Variants in ALK observed in about 807,000 individuals in gnomAD.
The protein encoded by ALK is ALK tyrosine kinase receptor.
In ALK, 74 loss-of-function variants were observed where a neutral mutation model predicts 163.1. The observed-to-expected ratio is 0.45, with a 90% confidence interval of 0.38 to 0.55. ALK has a LOEUF of 0.55. ALK is among the 20% of genes least tolerant of loss of function. The pLI is 0.00. For synonymous variants in ALK, 960 were observed against 843.2 expected (o/e 1.14, Z -2.40); for missense variants, 2,063 against 2,105.3 (o/e 0.98, Z 0.39).
At chr2:29,509,119 G>C (rs1016954245) in intron 4 of ALK, among the ~76,000 whole-genome samples, 1 of 152,154 alleles carries the variant, frequency 6.6e-6, no homozygotes, top group African/African-American at 2.4e-5. Context: ...AGGCTTTTCT[G>C]TCATGGAAAC....
chr2:29,607,780 G>T (rs1216440918), intron 3 of ALK, among the ~76,000 whole-genome samples: 8 of 151,994 alleles, frequency 5.3e-5, no homozygotes, highest in Non-Finnish European at 1.2e-4. Flanking sequence ...TTCTTGGAAT[G>T]ATTTTTTTCT....
rs11903132 is a variant in ALK at position 29,496,995 on chromosome 2, G to C, written c.1154+34920C>G. 3.9e-5 allele frequency among the ~76,000 whole-genome samples: 6 copies of C among 152,226 alleles called. No individual in the cohort carries two copies. In the East Asian group the frequency reaches 7.7e-4, roughly 20 times the overall value. ...CATCTTAAAATCCTGATGAGGCCAG[G>C]CATGGTGGCTCACGCCTGTAATCCC... On this transcript the variant is annotated intron_variant, in intron 4 of 28. Transcript: ENST00000389048.
intron 1 of ALK, among the ~76,000 whole-genome samples, chr2:29,877,166 A>G (rs1234515617): frequency 2.0e-5 from 3 of 152,240 alleles, no homozygotes; most frequent in Admixed American, 1.3e-4. Flanking sequence ...ATAAATATAT[A>G]ACTTCTTTTT....
intron 6 of ALK, among the ~76,000 whole-genome samples, chr2:29,327,388 T>A (rs1156414245): frequency 6.6e-6 from 1 of 151,958 alleles, no homozygotes; most frequent in Non-Finnish European, 1.5e-5. Context: ...GGAAATCACC[T>A]CCATAAAACA....
chr2:29,403,908 T>C (rs139550492), intron 4 of ALK, among the ~76,000 whole-genome samples: 117 of 151,878 alleles, frequency 7.7e-4, no homozygotes, highest in Middle Eastern at 3.4e-3. Context: ...AGAGACCCTG[T>C]CTCAAAAAAA....
chr2:29,788,171 G>T (rs937090462), intron 1 of ALK, among the ~76,000 whole-genome samples: 2 of 152,246 alleles, frequency 1.3e-5, no homozygotes, highest in African/African-American at 2.4e-5. Context: ...CCATCTGGCT[G>T]TAGTACAGCT....
intron 19 of ALK, among the ~76,000 whole-genome samples, chr2:29,224,321 C>G (rs369041381): frequency 6.6e-6 from 1 of 152,162 alleles, no homozygotes; most frequent in Non-Finnish European, 1.5e-5. Context: ...GGTCACAGGA[C>G]CTCTTTGGAC....
At chr2:29,861,028 T>TA (rs1262415478) in intron 1 of ALK, among the ~76,000 whole-genome samples, 2 of 151,940 alleles carry the variant, frequency 1.3e-5, no homozygotes, top group African/African-American at 2.4e-5. Context: ...AAAAAGTGGT[T>TA]GGGTATGGTG....
chr2:29,228,056 G>A (rs1379740710), intron 16 of ALK, among the ~76,000 whole-genome samples: 1 of 152,232 alleles, frequency 6.6e-6, no homozygotes, highest in African/African-American at 2.4e-5. Context: ...CATTGGGTCA[G>A]GGTTGGGGTG....
chr2:29,515,432 G>C (rs892018136), intron 4 of ALK, among the ~76,000 whole-genome samples: 1 of 152,116 alleles, frequency 6.6e-6, no homozygotes, highest in African/African-American at 2.4e-5. Context: ...GCACATAATA[G>C]AGGAATTCGT....
At chr2:29,197,409 C>G (rs987192889) in intron 27 of ALK, 133 bp downstream of exon 27, 3 of 1,350,090 alleles carry the variant, frequency 2.2e-6, no homozygotes, top group South Asian at 2.8e-5. Context: ...CAGTCACATT[C>G]GCATCTTGGG....
rs1553395555 is a variant in ALK at position 29,228,809 on chromosome 2, A to AGGGTG, written c.2815+74_2815+75insCACCC. 46 of 958,096 alleles carry AGGGTG rather than the reference A, an allele frequency of 4.8e-5. No individual in the cohort carries two copies. In the African/African-American group the frequency reaches 6.9e-4, roughly 14 times the overall value. The allele number at this position is 958,096 out of a possible 1,614,324, so 59.3% of individuals were successfully genotyped here. A position where few individuals can be genotyped will look rare whatever the true frequency, so the allele number is the denominator to read the frequency against. On this transcript the variant is annotated intron_variant, in intron 16 of 28. Coordinates refer to ENST00000389048, the MANE Select transcript of ALK (RefSeq NM_004304.5). ...TGGGCAGGCCAGGGGAGGGCAGGGG[A>AGGGTG]GGGCAGGGCAGGGAGGTGAGGAGCC...
intron 4 of ALK, among the ~76,000 whole-genome samples, chr2:29,397,026 A>G (rs570373091): frequency 2.6e-5 from 4 of 152,050 alleles, no homozygotes; most frequent in Non-Finnish European, 5.9e-5. Flanking sequence ...ATGTGCCACT[A>G]TTGGCTGGCT....
chr2:29,393,292 C>T (rs1467569280), intron 4 of ALK, among the ~76,000 whole-genome samples: 1 of 152,200 alleles, frequency 6.6e-6, no homozygotes, highest in Non-Finnish European at 1.5e-5. Flanking sequence ...TCCTGTCTCT[C>T]GCCCCTCTTT....
intron 1 of ALK, among the ~76,000 whole-genome samples, chr2:29,900,756 T>C (rs1439057010): frequency 1.3e-5 from 2 of 152,112 alleles, no homozygotes; most frequent in African/African-American, 4.8e-5. Context: ...TTCATCACTC[T>C]CCTCATCCTT....
intron 3 of ALK, among the ~76,000 whole-genome samples, chr2:29,678,342 C>T (rs538991811): frequency 1.1e-4 from 16 of 151,740 alleles, no homozygotes; most frequent in South Asian, 2.1e-4. Context: ...GCTTTTACAT[C>T]GCATGTTTTC....
rs967758774 is a variant in ALK, at chr2:29,417,097, C to G, written c.1155-33238G>C. Among the ~76,000 whole-genome samples, 5 of 148,958 alleles carry G rather than the reference C, an allele frequency of 3.4e-5. No individual in the cohort carries two copies. In the Admixed American group the frequency reaches 3.4e-4, roughly 10 times the overall value. On this transcript the variant is annotated intron_variant, in intron 4 of 28. Transcript: ENST00000389048. ...CTGCCTTCTGGGTTCACGCCATTCT[C>G]CTACCTCAGCCTCCCGGGTAGCTGG... is the stretch of plus-strand genomic sequence containing the variant.
intron 4 of ALK, among the ~76,000 whole-genome samples, chr2:29,408,081 C>CTTTTTTTTTTTTTTT (rs760683752): frequency 7.1e-6 from 1 of 140,850 alleles, no homozygotes; most frequent in African/African-American, 2.8e-5. Flanking sequence ...AGGGAAAGTT[C>CTTTTTTTTTTTTTTT]TTTTTCTTTT....
At chr2:29,626,026 C>A (rs1337268824) in intron 3 of ALK, among the ~76,000 whole-genome samples, 2 of 152,214 alleles carry the variant, frequency 1.3e-5, no homozygotes, top group Non-Finnish European at 2.9e-5. Context: ...GCTCAGGAAA[C>A]AACCCATGCA....
Sources: allele counts gnomAD v4.1 joint callset (sites outside exome capture counted in the v4.1 genomes callset), GRCh38; gene constraint gnomAD v4.1.1; transcripts MANE v1.5; gene names NCBI Gene and HGNC (gene_info 2026-07-23, HGNC 2026-07-21).